KCNH1: variants seen among roughly 807,000 people sequenced by gnomAD.
KCNH1 encodes voltage-gated delayed rectifier potassium channel KCNH1.
KCNH1 carries 27 observed loss-of-function variants against 69.2 expected under a neutral mutation model. The ratio of observed to expected loss-of-function variants is 0.39; its 90% CI spans 0.29 to 0.54. The LOEUF (loss-of-function observed/expected upper bound fraction) is 0.54, where lower values mean the gene tolerates loss of function less well. KCNH1 is among the 20% of genes least tolerant of loss of function. The pLI is 0.68. For missense variants in KCNH1, 798 were observed against 1,261.6 expected, an observed-to-expected ratio of 0.63 and a Z score of 5.57; for synonymous variants, 456 against 487.7, an observed-to-expected ratio of 0.93 and a Z score of 0.86.
intron 10 of KCNH1, among the ~76,000 whole-genome samples, chr1:210,765,350 T>C (rs1574242609): frequency 2.0e-5 from 3 of 152,316 alleles, no homozygotes; most frequent in Admixed American, 2.0e-4. Context: ...CAGCATCATG[T>C]AATATACCCA....
At chr1:210,826,449 CA>C (rs1417784841) in intron 7 of KCNH1, among the ~76,000 whole-genome samples, 5 of 152,174 alleles carry the variant, frequency 3.3e-5, no homozygotes, top group Non-Finnish European at 7.4e-5. Context: ...TATGGAACCT[CA>C]AATCAACTCA....
At chr1:210,888,376 A>G (rs1463159637) in intron 7 of KCNH1, among the ~76,000 whole-genome samples, 1 of 152,190 alleles carries the variant, frequency 6.6e-6, no homozygotes, top group Non-Finnish European at 1.5e-5. Flanking sequence ...CAAAGACACA[A>G]GGTACCAGAA....
At chr1:211,103,647 T>C (rs1323258250) in intron 2 of KCNH1, 45 bp from the exon 3 acceptor site, 2 of 1,242,354 alleles carry the variant, frequency 1.6e-6, no homozygotes, top group East Asian at 2.3e-5. Flanking sequence ...AAGTATTCAT[T>C]ATTCTACAAG....
At chr1:210,773,791 T>TG (rs1390673021) in intron 10 of KCNH1, among the ~76,000 whole-genome samples, 1 of 152,234 alleles carries the variant, frequency 6.6e-6, no homozygotes, top group African/African-American at 2.4e-5. Context: ...ATCTTTCTTG[T>TG]GTTAATCTTT....
At chr1:210,862,249 C>T (rs921137007) in intron 7 of KCNH1, 3 of 1,072,292 alleles carry the variant, frequency 2.8e-6, no homozygotes, top group Non-Finnish European at 4.3e-6. Context: ...GTCCATGGTG[C>T]CCCGCAGGGC....
At chr1:210,790,030 T>G (rs1018220519) in intron 9 of KCNH1, among the ~76,000 whole-genome samples, 2 of 152,342 alleles carry the variant, frequency 1.3e-5, no homozygotes, top group African/African-American at 2.4e-5. Context: ...CTCAGCCTTC[T>G]GAGGCCTCAG....
intron 7 of KCNH1, among the ~76,000 whole-genome samples, chr1:210,842,392 G>A (rs1685430467): frequency 6.6e-6 from 1 of 152,126 alleles, no homozygotes; most frequent in Non-Finnish European, 1.5e-5. Flanking sequence ...CAGATAGACA[G>A]GGAACACAGA....
At chr1:211,109,317 A>T (rs1173452254) in intron 1 of KCNH1, among the ~76,000 whole-genome samples, 1 of 152,190 alleles carries the variant, frequency 6.6e-6, no homozygotes, top group Non-Finnish European at 1.5e-5. Context: ...TGAAGACTAG[A>T]CTGGGAAGGA....
At chr1:211,081,830 CG>C (rs1210226216) in intron 5 of KCNH1, among the ~76,000 whole-genome samples, 2 of 151,642 alleles carry the variant, frequency 1.3e-5, no homozygotes, top group Non-Finnish European at 2.9e-5. Flanking sequence ...GGATGGGGGA[CG>C]GGGGAGGGAT....
chr1:210,705,330 C>T (rs1039233535), intron 10 of KCNH1, among the ~76,000 whole-genome samples: 1 of 152,186 alleles, frequency 6.6e-6, no homozygotes. Flanking sequence ...GAACTGCAGG[C>T]CTCACAAGTC....
intron 7 of KCNH1, among the ~76,000 whole-genome samples, chr1:210,890,903 G>C (rs772375601): frequency 2.6e-5 from 4 of 152,182 alleles, no homozygotes; most frequent in African/African-American, 9.7e-5. Flanking sequence ...AGGTGCTGGA[G>C]AGGATGTGGA....
intron 5 of KCNH1, among the ~76,000 whole-genome samples, chr1:211,050,534 A>T (rs1558583066): frequency 6.6e-6 from 1 of 152,208 alleles, no homozygotes; most frequent in Non-Finnish European, 1.5e-5. Context: ...ACAGTCCAGG[A>T]CCAACCCACA....
At chr1:210,956,011 C>T (rs1461107349) in intron 6 of KCNH1, among the ~76,000 whole-genome samples, 2 of 152,118 alleles carry the variant, frequency 1.3e-5, no homozygotes, top group Non-Finnish European at 2.9e-5. Context: ...CCAGTTTTTG[C>T]CCATTCAGTA....
chr1:210,682,902 A>G lies in KCNH1; in HGVS notation c.*379T>C, dbSNP rs999763374. ...TTGGCAAAGGAGCCCAGCATAGTATATACATGAGAGGTTCTCGGCACTTTC... is the reference window on the plus strand; with the variant it reads ...TTGGCAAAGGAGCCCAGCATAGTATGTACATGAGAGGTTCTCGGCACTTTC... On this transcript the variant is annotated 3_prime_UTR_variant, in exon 11 of 11. Coordinates refer to ENST00000271751, the MANE Select transcript of KCNH1 (RefSeq NM_172362.3). 4.1e-6 allele frequency: 1 copy of G among 244,592 alleles called. No homozygotes were observed. The highest frequency in any genetic ancestry group is 7.9e-6 in the Non-Finnish European group (1 of 126,488). The allele number at this position is 244,592 out of a possible 1,614,324, so 15.2% of individuals were successfully genotyped here. A position where few individuals can be genotyped will look rare whatever the true frequency, so the allele number is the denominator to read the frequency against.
chr1:210,826,353 T>TCCCATC (rs1391445468), intron 7 of KCNH1, among the ~76,000 whole-genome samples: 4 of 152,138 alleles, frequency 2.6e-5, no homozygotes, highest in Non-Finnish European at 5.9e-5. Flanking sequence ...CCTGGTTCTC[T>TCCCATC]CCCATCCCCA....
At chr1:210,773,133 A>T (rs1683783704) in intron 10 of KCNH1, among the ~76,000 whole-genome samples, 1 of 152,238 alleles carries the variant, frequency 6.6e-6, no homozygotes, top group South Asian at 2.1e-4. Context: ...ACATCAAAAA[A>T]TAGCTTATAA....
At chr1:210,735,588 A>G (rs1347963692) in intron 10 of KCNH1, among the ~76,000 whole-genome samples, 1 of 152,098 alleles carries the variant, frequency 6.6e-6, no homozygotes, top group East Asian at 1.9e-4. Flanking sequence ...TCCATCTACA[A>G]AAGTCTGCTG....
chr1:210,693,591 G>T (rs1681571487), intron 10 of KCNH1, among the ~76,000 whole-genome samples: 1 of 152,004 alleles, frequency 6.6e-6, no homozygotes, highest in South Asian at 2.1e-4. Context: ...ACCAGTTCAT[G>T]ATGTAAGGAG....
At chr1:210,757,984 G>A (rs944335086) in intron 10 of KCNH1, among the ~76,000 whole-genome samples, 1 of 152,194 alleles carries the variant, frequency 6.6e-6, no homozygotes, top group Non-Finnish European at 1.5e-5. Flanking sequence ...CGGATACTGA[G>A]GACCCATCAG....
Sources: allele counts gnomAD v4.1 joint callset (sites outside exome capture counted in the v4.1 genomes callset), GRCh38; gene constraint gnomAD v4.1.1; transcripts MANE v1.5; gene names NCBI Gene and HGNC (gene_info 2026-07-23, HGNC 2026-07-21).